The following RBPJ variants were observed in gnomAD, a reference collection of about 807,000 sequenced individuals.
RBPJ encodes the protein recombining binding protein suppressor of hairless.
RBPJ carries 9 observed loss-of-function variants against 67.8 expected under a neutral mutation model. The observed-to-expected ratio is 0.13, with a 90% CI of 0.08 to 0.23. RBPJ has a LOEUF of 0.23. Ranked by LOEUF, RBPJ falls within the 10% of genes least tolerant of loss-of-function variation. The pLI is 1.00. For missense variants in RBPJ, 305 were observed against 595.6 expected (o/e 0.51, Z 5.08); for synonymous variants, 198 against 203.3 (o/e 0.97, Z 0.22).
the RBPJ span, among the ~76,000 whole-genome samples, chr4:26,157,090 C>CAAAAAAAAAAA: frequency 9.6e-5 from 4 of 41,712 alleles, 1 homozygote; most frequent in East Asian, 8.7e-4. Flanking sequence ...AACAAACAAA[C>CAAAAAAAAAAA]AAACAAACAA....
chr4:26,134,351 T>A, the RBPJ span, among the ~76,000 whole-genome samples: 1 of 152,114 alleles, frequency 6.6e-6, no homozygotes, highest in Non-Finnish European at 1.5e-5. Flanking sequence ...GAAGCTCTTG[T>A]TCAAAAGCTA....
chr4:26,355,745 G>A (rs1727307081), intron 1 of RBPJ, among the ~76,000 whole-genome samples: 1 of 152,154 alleles, frequency 6.6e-6, no homozygotes, highest in African/African-American at 2.4e-5. Context: ...AGACAGTCTG[G>A]CCCTTGATAG....
intron 2 of RBPJ, among the ~76,000 whole-genome samples, chr4:26,402,505 A>G (rs1401382070): frequency 6.6e-6 from 1 of 152,192 alleles, no homozygotes; most frequent in Non-Finnish European, 1.5e-5. Flanking sequence ...TACGAATAAA[A>G]TAGAGACTTT....
At chr4:26,163,786 T>TTA (rs1716152819) in intron 1 of RBPJ, among the ~76,000 whole-genome samples, 1 of 152,254 alleles carries the variant, frequency 6.6e-6, no homozygotes, top group African/African-American at 2.4e-5. Flanking sequence ...AGTGTTCTGG[T>TTA]TATACTGCCT....
intron 2 of RBPJ, among the ~76,000 whole-genome samples, chr4:26,401,802 A>G (rs1732840640): frequency 6.6e-6 from 1 of 152,074 alleles, no homozygotes; most frequent in South Asian, 2.1e-4. Flanking sequence ...TAGCTCTTCA[A>G]GTTTTGTGCT....
chr4:26,138,327 G>A, the RBPJ span, among the ~76,000 whole-genome samples: 4 of 151,450 alleles, frequency 2.6e-5, no homozygotes, highest in African/African-American at 9.7e-5. Context: ...ATCTTCTGCT[G>A]CCCCTGCCTC....
intron 4 of RBPJ, 85 bp from the exon 5 acceptor site, chr4:26,420,453 GTTTTACTTATTAC>G: frequency 1.4e-6 from 1 of 735,782 alleles, no homozygotes; most frequent in Non-Finnish European, 2.1e-6. Flanking sequence ...CCTTGGAATT[GTTTTACTTATTAC>G]TTAAACCATG....
chr4:26,280,293 G>A (rs1260379451), intron 1 of RBPJ, among the ~76,000 whole-genome samples: 7 of 151,350 alleles, frequency 4.6e-5, no homozygotes, highest in African/African-American at 7.3e-5. Context: ...CTACTCAGGA[G>A]GCTGAGGCGG....
At chr4:26,334,165 C>T (rs775503788) in intron 1 of RBPJ, among the ~76,000 whole-genome samples, 11 of 151,908 alleles carry the variant, frequency 7.2e-5, no homozygotes, top group Admixed American at 2.6e-4. Context: ...CTCAGCCTCC[C>T]GAGTAGCTGG....
chr4:26,177,845 TGTA>T (rs948521780), intron 1 of RBPJ, among the ~76,000 whole-genome samples: 4 of 152,146 alleles, frequency 2.6e-5, no homozygotes, highest in African/African-American at 9.7e-5. Context: ...CTCCTAAAAT[TGTA>T]GTATATTTTC....
In RBPJ at chr4:26,371,367, T is replaced by G. The variant is rs866563034; in HGVS notation, c.21-14986T>G. On this transcript the variant is annotated intron_variant, in intron 1 of 10. Coordinates refer to ENST00000355476, the MANE Select transcript of RBPJ (RefSeq NM_015874.6). ...ATTTGTATTTGAGAACTCAATATTG[T>G]ACACACATGAGTCATCTTGAACGTG... Among the ~76,000 whole-genome samples, 5 of 152,340 alleles carry G rather than the reference T, an allele frequency of 3.3e-5. No homozygotes were observed. The South Asian group carries it at 8.3e-4, about 25-fold the overall frequency.
chr4:26,417,183 C>T (rs1734675780), intron 4 of RBPJ, among the ~76,000 whole-genome samples: 1 of 152,164 alleles, frequency 6.6e-6, no homozygotes, highest in African/African-American at 2.4e-5. Flanking sequence ...GGGATTCTAG[C>T]TACCTGTGTG....
At chr4:26,172,626 G>A (rs796164454) in intron 1 of RBPJ, among the ~76,000 whole-genome samples, 2 of 152,294 alleles carry the variant, frequency 1.3e-5, no homozygotes, top group African/African-American at 4.8e-5. Flanking sequence ...CTTTTGGAAT[G>A]TCACTCTCCT....
chr4:26,319,157 G>C (rs1327149143), upstream of RBPJ, among the ~76,000 whole-genome samples: 1 of 151,840 alleles, frequency 6.6e-6, no homozygotes, highest in African/African-American at 2.4e-5. Flanking sequence ...CCGGAGGCGG[G>C]GGGCGCGGTG....
chr4:26,321,076 G>A (rs1722978467), intron 1 of RBPJ, 28 bp downstream of exon 1: 1 of 1,570,118 alleles, frequency 6.4e-7, no homozygotes, highest in Non-Finnish European at 8.7e-7. Context: ...GGAGCGCCGG[G>A]AACCGGGAAA....
At chr4:26,113,515 G>C in the RBPJ span, 9 of 539,206 alleles carry the variant, frequency 1.7e-5, no homozygotes, top group South Asian at 1.3e-4. Flanking sequence ...GTGGAAAAAC[G>C]TTCTGTGCGA....
intron 1 of RBPJ, among the ~76,000 whole-genome samples, chr4:26,228,012 A>G (rs1719139384): frequency 2.0e-5 from 3 of 152,076 alleles, no homozygotes; most frequent in African/African-American, 4.8e-5. Flanking sequence ...AGGGCCCCTC[A>G]GGGACAGCTC....
chr4:26,291,126 G>A (rs1400971724), intron 1 of RBPJ, among the ~76,000 whole-genome samples: 2 of 150,856 alleles, frequency 1.3e-5, no homozygotes, highest in African/African-American at 4.9e-5. Flanking sequence ...AAAAAGCAGA[G>A]AAAATGAGTG....
At chr4:26,217,693 A>C (rs1399161304) in intron 1 of RBPJ, among the ~76,000 whole-genome samples, 3 of 152,188 alleles carry the variant, frequency 2.0e-5, no homozygotes, top group Non-Finnish European at 2.9e-5. Context: ...AATGCTGCCC[A>C]GTTGGAAAAA....
Sources: allele counts gnomAD v4.1 joint callset (sites outside exome capture counted in the v4.1 genomes callset), GRCh38; gene constraint gnomAD v4.1.1; transcripts MANE v1.5; gene names NCBI Gene and HGNC (gene_info 2026-07-23, HGNC 2026-07-21).